The following ST6GAL1 variants were observed in gnomAD, a reference collection of about 807,000 sequenced individuals.
ST6GAL1 encodes ST6 beta-galactoside alpha-2,6-sialyltransferase 1, also known as beta-galactoside alpha-2,6-sialyltransferase 1.
ST6GAL1 carries 20 observed loss-of-function variants against 38.0 expected under a neutral mutation model. The ratio of observed to expected loss-of-function variants is 0.53; its 90% CI spans 0.37 to 0.77. The LOEUF (loss-of-function observed/expected upper bound fraction) is 0.77. Ranked by LOEUF, ST6GAL1 falls within the 30% of genes least tolerant of loss-of-function variation. The pLI is 0.00. For synonymous variants in ST6GAL1, 196 were observed against 188.2 expected (o/e 1.04, Z -0.34); for missense variants, 432 against 496.4 (o/e 0.87, Z 1.23).
intron 4 of ST6GAL1, among the ~76,000 whole-genome samples, chr3:187,047,247 G>A (rs1351004830): frequency 7.1e-6 from 1 of 140,300 alleles, no homozygotes; most frequent in Non-Finnish European, 1.5e-5. Context: ...GCCCGGCCAA[G>A]TCATAGTTTT....
At chr3:187,074,135 G>A (rs377164085) in intron 6 of ST6GAL1, 24 bp from the exon 7 acceptor site, 14 of 1,587,256 alleles carry the variant, frequency 8.8e-6, no homozygotes, top group East Asian at 2.3e-5. Context: ...TCTCCCTTGA[G>A]AGGACCACTT....
At chr3:186,943,744 G>A (rs1440005456) in intron 1 of ST6GAL1, among the ~76,000 whole-genome samples, 14 of 152,156 alleles carry the variant, frequency 9.2e-5, no homozygotes, top group Non-Finnish European at 1.3e-4. Context: ...CACCATGCCC[G>A]GCCTATTATC....
intron 5 of ST6GAL1, chr3:187,051,634 T>C: frequency 2.7e-6 from 1 of 365,362 alleles, no homozygotes; most frequent in Middle Eastern, 8.7e-4. Flanking sequence ...CCTGGAGGTT[T>C]ACATGAGGGA....
intron 2 of ST6GAL1, among the ~76,000 whole-genome samples, chr3:186,981,555 C>T (rs1715700089): frequency 6.6e-6 from 1 of 152,208 alleles, no homozygotes; most frequent in African/African-American, 2.4e-5. Context: ...GCTGTCATGC[C>T]ACCAATACAC....
intron 1 of ST6GAL1, among the ~76,000 whole-genome samples, chr3:186,932,059 G>GCGC (rs1449016896): frequency 6.6e-6 from 1 of 152,202 alleles, no homozygotes; most frequent in Non-Finnish European, 1.5e-5. Context: ...AGGAATGGAG[G>GCGC]CGCCGCCGCC....
intron 2 of ST6GAL1, among the ~76,000 whole-genome samples, chr3:186,999,448 G>A (rs188154442): frequency 1.0e-4 from 14 of 140,284 alleles, no homozygotes; most frequent in African/African-American, 3.5e-4. Context: ...GTCTCACTCC[G>A]TAGCCCAGAC....
intron 2 of ST6GAL1, among the ~76,000 whole-genome samples, chr3:186,998,443 T>C (rs556149932): frequency 2.0e-4 from 31 of 152,280 alleles, no homozygotes; most frequent in African/African-American, 7.2e-4. Context: ...AATGTATTTA[T>C]TATTTAGTAA....
At chr3:187,022,466 T>A (rs987967179) in intron 2 of ST6GAL1, among the ~76,000 whole-genome samples, 1 of 152,298 alleles carries the variant, frequency 6.6e-6, no homozygotes, top group Non-Finnish European at 1.5e-5. Flanking sequence ...GTCTAGTGAC[T>A]TGAAGTCAGT....
chr3:187,021,740 CAA>C (rs58948806), intron 2 of ST6GAL1: 288 of 83,672 alleles, frequency 3.4e-3, no homozygotes, highest in African/African-American at 7.8e-3. Flanking sequence ...GACTCTGTCT[CAA>C]AAAAAAAAAA....
At chr3:187,058,044 T>C (rs1718775436) in intron 5 of ST6GAL1, among the ~76,000 whole-genome samples, 1 of 152,204 alleles carries the variant, frequency 6.6e-6, no homozygotes, top group Non-Finnish European at 1.5e-5. Context: ...TGCAGGTCGA[T>C]CTCAGACTGC....
chr3:186,969,143 C>G (rs544566264), intron 2 of ST6GAL1, among the ~76,000 whole-genome samples: 1 of 150,534 alleles, frequency 6.6e-6, no homozygotes, highest in Non-Finnish European at 1.5e-5. Context: ...CCTCTGCCTC[C>G]GGGGTTCAAG....
chr3:186,939,179 A>T (rs1313190425), intron 1 of ST6GAL1, among the ~76,000 whole-genome samples: 1 of 151,376 alleles, frequency 6.6e-6, no homozygotes, highest in Admixed American at 6.6e-5. Flanking sequence ...GGCACAAGCG[A>T]TCCTCCTGCC....
intron 2 of ST6GAL1, among the ~76,000 whole-genome samples, chr3:186,982,477 A>G (rs1715726214): frequency 6.6e-6 from 1 of 152,210 alleles, no homozygotes; most frequent in African/African-American, 2.4e-5. Flanking sequence ...TATGGCAAAG[A>G]TATTGAGGGC....
intron 1 of ST6GAL1, among the ~76,000 whole-genome samples, chr3:186,949,854 G>A (rs1714517356): frequency 6.6e-6 from 1 of 152,210 alleles, no homozygotes; most frequent in Admixed American, 6.5e-5. Context: ...TTTCTGCCTT[G>A]TAGCATTGGT....
chr3:186,974,736 G>GC (rs397876366), intron 2 of ST6GAL1, among the ~76,000 whole-genome samples: 2 of 149,688 alleles, frequency 1.3e-5, no homozygotes, highest in Admixed American at 6.7e-5. Flanking sequence ...TGGGGGGGGG[G>GC]CGCCCACAGC....
chr3:187,037,490 C>G (rs1333895725), intron 2 of ST6GAL1, among the ~76,000 whole-genome samples: 1 of 152,098 alleles, frequency 6.6e-6, no homozygotes, highest in East Asian at 1.9e-4. Context: ...AATTTTCTTG[C>G]AACTGAATGT....
At chr3:186,934,104 C>G (rs963049622) in intron 1 of ST6GAL1, among the ~76,000 whole-genome samples, 1 of 152,242 alleles carries the variant, frequency 6.6e-6, no homozygotes, top group African/African-American at 2.4e-5. Flanking sequence ...TACTTAACCT[C>G]TTGGGCTCCA....
Position 187,076,603 on chromosome 3 carries a change from A to T in ST6GAL1, c.*800A>T. On this transcript the variant is annotated 3_prime_UTR_variant, in exon 8 of 8. Coordinates refer to ENST00000169298, the MANE Select transcript of ST6GAL1 (RefSeq NM_173216.2). ...CTCTGTGCACCCAGGAGGGCCACGC[A>T]CTTAAAACTGTGTTTGTGGATCAGA... is the stretch of plus-strand genomic sequence containing the variant. 2.6e-6 allele frequency: 1 copy of T among 381,740 alleles called. No individual in the cohort carries two copies. The highest frequency in any genetic ancestry group is 4.6e-6 in the Non-Finnish European group (1 of 216,234). 23.6% of individuals were successfully genotyped at this position (381,740 alleles called of 1,614,324 possible).
At chr3:187,067,812 C>T (rs967962737) in intron 5 of ST6GAL1, among the ~76,000 whole-genome samples, 37 of 152,290 alleles carry the variant, frequency 2.4e-4, no homozygotes, top group African/African-American at 5.8e-4. Flanking sequence ...ACAAACTCAT[C>T]GTAGCCTTAG....
Sources: allele counts gnomAD v4.1 joint callset (sites outside exome capture counted in the v4.1 genomes callset), GRCh38; gene constraint gnomAD v4.1.1; transcripts MANE v1.5; gene names NCBI Gene and HGNC (gene_info 2026-07-23, HGNC 2026-07-21).